The following RGS5 variants were observed in gnomAD, a reference collection of about 807,000 sequenced individuals.
RGS5 encodes regulator of G protein signaling 5, also known as regulator of G-protein signalling 5.
A neutral mutation model predicts 18.9 loss-of-function variants in RGS5; 20 were observed. That is an observed-to-expected ratio of 1.06 (90% CI 0.74 to 1.54). The LOEUF (loss-of-function observed/expected upper bound fraction) is 1.54. Among genes scored for constraint, RGS5 ranks in the 40% most tolerant of loss-of-function variants. The probability of loss-of-function intolerance (pLI) is 0.00; values close to 1 mark genes in which losing one functional copy is unlikely to be tolerated. For synonymous variants in RGS5, 57 were observed against 76.2 expected (o/e 0.75, Z 1.31); for missense variants, 201 against 211.8 (o/e 0.95, Z 0.32).
chr1:163,163,888 C>T (rs898444070), intron 2 of RGS5, among the ~76,000 whole-genome samples: 3 of 152,166 alleles, frequency 2.0e-5, no homozygotes, highest in African/African-American at 7.2e-5. Context: ...CCCCACTTTT[C>T]CTCTGGTTAG....
chr1:163,187,926 G>A (rs1659162928), intron 1 of RGS5, among the ~76,000 whole-genome samples: 1 of 152,050 alleles, frequency 6.6e-6, no homozygotes, highest in Admixed American at 6.6e-5. Context: ...CAACCTGTGG[G>A]ATTTGATGTT....
chr1:163,303,705 G>GTT, intron 2 of RGS5, among the ~76,000 whole-genome samples: 1 of 152,292 alleles, frequency 6.6e-6, no homozygotes, highest in East Asian at 1.9e-4. Flanking sequence ...CCGGTCTGTG[G>GTT]CCTGTTAGGA....
chr1:163,179,765 G>T (rs546957206), intron 1 of RGS5, among the ~76,000 whole-genome samples: 2 of 152,276 alleles, frequency 1.3e-5, no homozygotes, highest in South Asian at 4.1e-4. Context: ...AAAAAATTAA[G>T]ATTTCAAGAG....
At chr1:163,238,314 TATTA>T (rs1356267531) in intron 2 of RGS5, among the ~76,000 whole-genome samples, 2 of 152,216 alleles carry the variant, frequency 1.3e-5, no homozygotes, top group Non-Finnish European at 2.9e-5. Context: ...GTCAAAATCA[TATTA>T]ATTGCCACAA....
chr1:163,185,407 A>G (rs1659027194), intron 1 of RGS5, among the ~76,000 whole-genome samples: 1 of 152,330 alleles, frequency 6.6e-6, no homozygotes, highest in Admixed American at 6.5e-5. Flanking sequence ...AGACAAGGTG[A>G]GAGTTCAGAA....
chr1:163,151,910 G>A (rs1657390514), intron 4 of RGS5, among the ~76,000 whole-genome samples: 1 of 152,064 alleles, frequency 6.6e-6, no homozygotes, highest in African/African-American at 2.4e-5. Flanking sequence ...TACATAATGA[G>A]ATAAGATATC....
At chr1:163,245,879 C>T (rs1647916031) in intron 2 of RGS5, among the ~76,000 whole-genome samples, 1 of 152,164 alleles carries the variant, frequency 6.6e-6, no homozygotes, top group South Asian at 2.1e-4. Flanking sequence ...TCAGATTATG[C>T]CTTCAAGTTG....
chr1:163,230,794 A>G (rs545901347), intron 2 of RGS5, among the ~76,000 whole-genome samples: 1 of 152,352 alleles, frequency 6.6e-6, no homozygotes, highest in African/African-American at 2.4e-5. Flanking sequence ...TTGACTAGTT[A>G]GAATAGGGTC....
At chr1:163,235,552 C>A (rs982520687) in intron 2 of RGS5, among the ~76,000 whole-genome samples, 3 of 152,134 alleles carry the variant, frequency 2.0e-5, no homozygotes, top group African/African-American at 7.2e-5. Flanking sequence ...AGTTCCCTAA[C>A]CTATGGTTCT....
At chr1:163,234,952 A>G (rs1647584727) in intron 2 of RGS5, among the ~76,000 whole-genome samples, 1 of 152,198 alleles carries the variant, frequency 6.6e-6, no homozygotes, top group Non-Finnish European at 1.5e-5. Flanking sequence ...AGAAGCTACA[A>G]GATATCACTG....
intron 1 of RGS5, among the ~76,000 whole-genome samples, chr1:163,185,140 A>G (rs1470460410): frequency 1.3e-5 from 2 of 151,940 alleles, no homozygotes; most frequent in Admixed American, 1.3e-4. Flanking sequence ...TTGTTCCAAT[A>G]TTGCTCCTTC....
At position 163,177,763 on chromosome 1, in the gene RGS5, T is replaced by C. The variant is rs148918029; in HGVS notation, c.45-9395A>G. On this transcript the variant is annotated intron_variant, in intron 1 of 4. Coordinates refer to ENST00000313961, the MANE Select transcript of RGS5 (RefSeq NM_003617.4). ...TAATAATAATAGCTTAAATACATAT[T>C]AATGTATCGGGTGTTAATGCATATA... Among the ~76,000 whole-genome samples the C allele has an allele frequency of 2.4e-3, 361 of 152,340 alleles. 1 individual carries two copies. Among genetic ancestry groups the C allele is most frequent in the African/African-American group, 8.4e-3 (348 of 41,568 alleles).
intron 1 of RGS5, among the ~76,000 whole-genome samples, chr1:163,177,659 A>G (rs1243615482): frequency 6.6e-6 from 1 of 151,910 alleles, no homozygotes; most frequent in Non-Finnish European, 1.5e-5. Context: ...AGGTGCAAGG[A>G]CTCCACCCAT....
At chr1:163,251,045 C>T (rs544252087) in intron 2 of RGS5, among the ~76,000 whole-genome samples, 42 of 152,200 alleles carry the variant, frequency 2.8e-4, no homozygotes, top group Non-Finnish European at 5.1e-4. Flanking sequence ...CCTTATGAAG[C>T]TTAGAATCTG....
At chr1:163,187,681 C>T (rs1035839227) in intron 1 of RGS5, among the ~76,000 whole-genome samples, 3 of 152,118 alleles carry the variant, frequency 2.0e-5, no homozygotes, top group African/African-American at 4.8e-5. Flanking sequence ...ATAGGAACTC[C>T]GCACCCCCTC....
In RGS5 at chr1:163,161,976, T is replaced by C; in HGVS notation, c.156A>G (p.Lys52=). 6.2e-7 allele frequency: 1 copy of C among 1,612,256 alleles called. No homozygotes were observed. Among genetic ancestry groups the C allele is most frequent in the South Asian group, 1.1e-5 (1 of 91,038 alleles). The part of the protein sequence containing the change: ...EKPEKPAKTQ[K]TSLDEALQWR... ...ACTGCAGGGCCTCGTCCAGCGAGGTTCTACATCAATAATAAGGAGAGAAAA... is the reference window on the plus strand; with the variant it reads ...ACTGCAGGGCCTCGTCCAGCGAGGTCCTACATCAATAATAAGGAGAGAAAA... The change falls in exon 3 of 5, where the codon AAA becomes AAG. Residue 52 remains lysine (K), a splice_region_variant and synonymous_variant. Transcript: ENST00000313961.
At chr1:163,284,677 A>G (rs957557929) in intron 2 of RGS5, among the ~76,000 whole-genome samples, 2 of 152,002 alleles carry the variant, frequency 1.3e-5, no homozygotes, top group African/African-American at 2.4e-5. Flanking sequence ...CAGGTAATCT[A>G]TGTCTTCTGG....
chr1:163,225,201 T>A (rs1024198768), intron 2 of RGS5, among the ~76,000 whole-genome samples: 2 of 152,024 alleles, frequency 1.3e-5, no homozygotes, highest in Non-Finnish European at 2.9e-5. Flanking sequence ...CTAATTAAGG[T>A]TATTAAAAGT....
At chr1:163,276,130 G>A (rs578192821) in intron 2 of RGS5, among the ~76,000 whole-genome samples, 42 of 152,222 alleles carry the variant, frequency 2.8e-4, no homozygotes, top group African/African-American at 8.9e-4. Flanking sequence ...GAGTAGCTGG[G>A]ATTACAGGCA....
Sources: gnomAD v4.1 joint callset for allele counts (sites outside exome capture counted in the v4.1 genomes callset) on GRCh38, gnomAD v4.1.1 for gene constraint, MANE v1.5 for transcripts, NCBI Gene and HGNC (gene_info 2026-07-23, HGNC 2026-07-21) for gene names.